Variants in SERPINI2 observed in about 807,000 individuals in gnomAD.
The protein encoded by SERPINI2 is serpin family I member 2.
SERPINI2 carries 48 observed loss-of-function variants against 47.3 expected under a neutral mutation model. The ratio of observed to expected loss-of-function variants is 1.02; its 90% CI spans 0.81 to 1.29. The LOEUF is 1.29. Among genes scored for constraint, SERPINI2 ranks in the 50% most tolerant of loss-of-function variants. SERPINI2 has a pLI of 0.00. For synonymous variants in SERPINI2, 135 were observed against 149.3 expected (o/e 0.90, Z 0.70); for missense variants, 448 against 456.9 (o/e 0.98, Z 0.18).
chr3:167,458,526 T>TGCCG (rs1398935365), intron 5 of SERPINI2, among the ~76,000 whole-genome samples: 1 of 151,818 alleles, frequency 6.6e-6, no homozygotes, highest in African/African-American at 2.4e-5. Flanking sequence ...CCTCCTAAAG[T>TGCCG]GCCGGGTCTA....
At chr3:167,451,151 A>G (rs1347676608) in intron 6 of SERPINI2, among the ~76,000 whole-genome samples, 1 of 152,082 alleles carries the variant, frequency 6.6e-6, no homozygotes, top group African/African-American at 2.4e-5. Flanking sequence ...AAACTAGATG[A>G]TTTACATACA....
At chr3:167,446,529 A>G (rs1201673898) in intron 7 of SERPINI2, 48 bp from the exon 8 acceptor site, 1 of 1,171,098 alleles carries the variant, frequency 8.5e-7, no homozygotes, top group Admixed American at 2.0e-5. Flanking sequence ...TTAAAAGATC[A>G]GTAAAGAAAG....
intron 5 of SERPINI2, among the ~76,000 whole-genome samples, chr3:167,464,945 C>T (rs777100605): frequency 2.0e-5 from 3 of 151,896 alleles, no homozygotes; most frequent in Non-Finnish European, 2.9e-5. Flanking sequence ...CCTTCTAATC[C>T]CAACATTCTA....
intron 5 of SERPINI2, among the ~76,000 whole-genome samples, chr3:167,459,327 G>A (rs1252154769): frequency 6.6e-6 from 1 of 152,118 alleles, no homozygotes; most frequent in African/African-American, 2.4e-5. Flanking sequence ...GCCCGCCTCA[G>A]CCTCCCAAAG....
At chr3:167,449,219 G>A in intron 7 of SERPINI2, 97 bp downstream of exon 7, 2 of 836,618 alleles carry the variant, frequency 2.4e-6, no homozygotes, top group Non-Finnish European at 4.0e-6. Flanking sequence ...CAGCAGAAGA[G>A]AAAAAGAAGA....
Position 167,453,041 on chromosome 3 carries a change from TAAAA to T in SERPINI2, c.867-12_867-9del, listed in dbSNP as rs372823238. On this transcript the variant is annotated splice_polypyrimidine_tract_variant and intron_variant, in intron 5 of 8. Transcript: ENST00000264677. Reference sequence around the variant, plus strand: ...TTTTGTTCTACTTTAAATCTGTTATTAAAAAAAAAAGAAAAAGAAAAGTCTTGAA... The same window carrying T: ...TTTTGTTCTACTTTAAATCTGTTATTAAAAAAGAAAAAGAAAAGTCTTGAA... The T allele has an allele frequency of 7.8e-7, 1 of 1,286,682 alleles. No homozygotes were observed. The highest frequency in any genetic ancestry group is 1.5e-5 in the African/African-American group (1 of 64,870). The allele number at this position is 1,286,682 out of a possible 1,614,324, so 79.7% of individuals were successfully genotyped here. A position where few individuals can be genotyped will look rare whatever the true frequency, so the allele number is the denominator to read the frequency against.
chr3:167,473,245 T>C (rs1172846161), intron 1 of SERPINI2, among the ~76,000 whole-genome samples: 1 of 151,778 alleles, frequency 6.6e-6, no homozygotes. Flanking sequence ...TGGTAAACTT[T>C]AGATATAGAC....
At chr3:167,475,330 T>C (rs1750453463), upstream of SERPINI2, among the ~76,000 whole-genome samples, 1 of 151,784 alleles carries the variant, frequency 6.6e-6, no homozygotes, top group Admixed American at 6.6e-5. Context: ...AATCAATGCT[T>C]TTCTACCCAT....
At chr3:167,475,136 G>A (rs1750449746), upstream of SERPINI2, among the ~76,000 whole-genome samples, 1 of 151,602 alleles carries the variant, frequency 6.6e-6, no homozygotes, top group African/African-American at 2.4e-5. Context: ...ATCTCCAAAT[G>A]TTTTCTAGAT....
chr3:167,458,844 G>A (rs917623832), intron 5 of SERPINI2, among the ~76,000 whole-genome samples: 6 of 152,118 alleles, frequency 3.9e-5, no homozygotes, highest in African/African-American at 1.4e-4. Flanking sequence ...TGTGAAATGG[G>A]AGAATAACTA....
At chr3:167,475,766 T>C (rs976587537), upstream of SERPINI2, among the ~76,000 whole-genome samples, 9 of 151,352 alleles carry the variant, frequency 5.9e-5, no homozygotes, top group Non-Finnish European at 1.3e-4. Context: ...CCAACGTGTC[T>C]TGGTAGAAGG....
chr3:167,469,939 G>T (rs1750257562), intron 2 of SERPINI2, among the ~76,000 whole-genome samples: 1 of 152,032 alleles, frequency 6.6e-6, no homozygotes, highest in Admixed American at 6.6e-5. Context: ...AATATTAAAT[G>T]AGAGAATATA....
intron 2 of SERPINI2, among the ~76,000 whole-genome samples, chr3:167,467,558 G>A (rs1468162569): frequency 6.6e-6 from 1 of 152,128 alleles, no homozygotes; most frequent in African/African-American, 2.4e-5. Context: ...AGAAGCTGAA[G>A]GAAAGTCCCT....
At chr3:167,446,913 T>G (rs1749495903) in intron 7 of SERPINI2, 1 of 152,328 alleles carries the variant, frequency 6.6e-6, no homozygotes, top group Non-Finnish European at 1.5e-5. Context: ...ATTAATTTTT[T>G]TTTTTACTTA....
chr3:167,459,078 G>GTTTTTTTTTTTTTTTGTTT (rs536122299), intron 5 of SERPINI2, among the ~76,000 whole-genome samples: 1 of 139,030 alleles, frequency 7.2e-6, no homozygotes, highest in African/African-American at 2.7e-5. Context: ...GTTTTTTTTT[G>GTTTTTTTTTTTTTTTGTTT]TTTTTTTTTT....
intron 5 of SERPINI2, among the ~76,000 whole-genome samples, chr3:167,459,307 C>T (rs1204463697): frequency 6.6e-6 from 1 of 152,024 alleles, no homozygotes; most frequent in East Asian, 1.9e-4. Context: ...ATCTCCTGAC[C>T]TCGTGATCCG....
chr3:167,453,079 C>A (rs1421064291), intron 5 of SERPINI2, 46 bp from the exon 6 acceptor site: 4 of 1,074,566 alleles, frequency 3.7e-6, no homozygotes, highest in Non-Finnish European at 5.4e-6. Context: ...AAACACTGCA[C>A]ATTTTTGCTA....
exon 8 of SERPINI2, chr3:167,446,394 G>A: frequency 6.3e-7 from 1 of 1,595,750 alleles, no homozygotes; most frequent in Non-Finnish European, 8.6e-7. Context: ...AAAGGTACCT[G>A]TTGGATTATG....
intron 2 of SERPINI2, chr3:167,469,438 C>T (rs867107669): frequency 6.6e-6 from 1 of 152,154 alleles, no homozygotes; most frequent in African/African-American, 2.4e-5. Flanking sequence ...AATTACCTAA[C>T]CTCAACTTTT....
Sources: allele counts gnomAD v4.1 joint callset (sites outside exome capture counted in the v4.1 genomes callset), GRCh38; gene constraint gnomAD v4.1.1; transcripts MANE v1.5; gene names NCBI Gene and HGNC (gene_info 2026-07-23, HGNC 2026-07-21).